RPS29: variants seen among roughly 807,000 people sequenced by gnomAD.
The protein encoded by RPS29 is small ribosomal subunit protein uS14.
For synonymous variants in RPS29, 37 were observed against 26.9 expected (o/e 1.37, Z -1.16); for missense variants, 60 against 75.7 (o/e 0.79, Z 0.77).
intron 1 of RPS29, chr14:49,597,430 C>A (rs1278215475): frequency 6.6e-6 from 1 of 152,154 alleles, no homozygotes. Context: ...CCTATAAGTT[C>A]AGAGTCCATT....
downstream of RPS29, among the ~76,000 whole-genome samples, chr14:49,582,337 G>C (rs540270302): frequency 6.6e-6 from 1 of 152,198 alleles, no homozygotes; most frequent in African/African-American, 2.4e-5. Flanking sequence ...TACAGACCCT[G>C]GCCAGCTTTC....
Position 49,598,512 on chromosome 14 carries a change from G to C in RPS29, c.-245C>G, listed in dbSNP as rs1249363530. The C allele has an allele frequency of 7.1e-6, 5 of 702,278 alleles. No homozygotes were observed. The African/African-American group carries it at 8.7e-5, about 12-fold the overall frequency. 43.5% of individuals were successfully genotyped at this position (702,278 alleles called of 1,614,324 possible). ...CGGAGAGCAGCCACCAAAACCACCA[G>C]CAGCCCGTCCGCGCCGGGAAATGCG... On this transcript the variant is annotated 5_prime_UTR_variant, in exon 1 of 4. Transcript: ENST00000556230.
At chr14:49,579,565 A>C (rs1881279070), downstream of RPS29, among the ~76,000 whole-genome samples, 1 of 152,086 alleles carries the variant, frequency 6.6e-6, no homozygotes, top group African/African-American at 2.4e-5. Context: ...CAAAGAATAG[A>C]TCCTCTATGT....
At chr14:49,585,861 G>A (rs1333988023) in intron 2 of RPS29, 89 bp downstream of exon 2, 3 of 990,526 alleles carry the variant, frequency 3.0e-6, no homozygotes, top group East Asian at 2.4e-5. Context: ...CCACTCCAGG[G>A]AAGATCTGTC....
downstream of RPS29, among the ~76,000 whole-genome samples, chr14:49,580,914 G>T (rs949682842): frequency 6.6e-6 from 1 of 151,626 alleles, no homozygotes; most frequent in African/African-American, 2.4e-5. Context: ...TGCTGGGTGC[G>T]GTGGCTCACG....
intron 2 of RPS29, chr14:49,577,963 AG>A: frequency 1.3e-6 from 1 of 749,310 alleles, no homozygotes; most frequent in Non-Finnish European, 2.3e-6. Flanking sequence ...TGTCACTATC[AG>A]GATCTAGATT....
At chr14:49,585,865 A>T in intron 2 of RPS29, 85 bp downstream of exon 2, 1 of 1,023,330 alleles carries the variant, frequency 9.8e-7, no homozygotes, top group Non-Finnish European at 1.5e-6. Flanking sequence ...TCCAGGGAAG[A>T]TCTGTCCGTT....
chr14:49,593,542 A>G (rs993327939), intron 1 of RPS29, among the ~76,000 whole-genome samples: 1 of 151,968 alleles, frequency 6.6e-6, no homozygotes, highest in Non-Finnish European at 1.5e-5. Flanking sequence ...CGTCTCTACT[A>G]AAAATGCAAA....
At chr14:49,596,374 GGTAAT>G (rs1305851027) in intron 1 of RPS29, among the ~76,000 whole-genome samples, 1 of 152,134 alleles carries the variant, frequency 6.6e-6, no homozygotes, top group African/African-American at 2.4e-5. Flanking sequence ...ACTGACTCGA[GGTAAT>G]TAAGGATAGA....
upstream of RPS29, among the ~76,000 whole-genome samples, chr14:49,588,760 C>T (rs975522875): frequency 1.3e-5 from 2 of 151,930 alleles, no homozygotes; most frequent in Non-Finnish European, 2.9e-5. Context: ...AAGTCCTGAC[C>T]TCGAGTAATC....
chr14:49,593,185 A>C (rs879500853), intron 1 of RPS29, among the ~76,000 whole-genome samples: 16 of 152,222 alleles, frequency 1.1e-4, no homozygotes, highest in Non-Finnish European at 1.8e-4. Context: ...TATTTGCTAA[A>C]TGAATAAATG....
chr14:49,580,567 T>C (rs1881305190), downstream of RPS29, among the ~76,000 whole-genome samples: 2 of 152,316 alleles, frequency 1.3e-5, no homozygotes, highest in African/African-American at 2.4e-5. Context: ...ATGTGTTCAA[T>C]CACATGTTTT....
chr14:49,586,522 C>CTA, upstream of RPS29: 1 of 633,116 alleles, frequency 1.6e-6, no homozygotes, highest in Middle Eastern at 2.5e-4. Context: ...TGGGCTGGCC[C>CTA]AGTTGATGAC....
exon 3 of RPS29, chr14:49,572,759 A>C (rs1881084791): frequency 1.3e-5 from 2 of 152,228 alleles, no homozygotes; most frequent in Non-Finnish European, 2.9e-5. Flanking sequence ...AAAACTTTAA[A>C]GAAAATTGTG....
chr14:49,590,324 A>C (rs1449473243), upstream of RPS29, among the ~76,000 whole-genome samples: 3 of 151,060 alleles, frequency 2.0e-5, no homozygotes, highest in Non-Finnish European at 4.4e-5. Flanking sequence ...AAAAATACAA[A>C]AATTAGCCAG....
chr14:49,584,595 T>C (rs1008017703), intron 2 of RPS29, among the ~76,000 whole-genome samples: 2 of 151,948 alleles, frequency 1.3e-5, no homozygotes, highest in African/African-American at 4.8e-5. Context: ...TGAAATCCCA[T>C]CTCCACAAAA....
At chr14:49,596,262 C>T (rs1246572132) in intron 1 of RPS29, among the ~76,000 whole-genome samples, 2 of 152,072 alleles carry the variant, frequency 1.3e-5, no homozygotes, top group Non-Finnish European at 2.9e-5. Context: ...AGAAGAAAAA[C>T]AAATCTAAAT....
rs1594573942 is a variant in RPS29, at chr14:49,586,184, G to A, written c.62+101C>T. 5 of 1,414,976 alleles carry A rather than the reference G, an allele frequency of 3.5e-6. No homozygotes were observed. The Admixed American group carries it at 5.0e-5, about 14-fold the overall frequency. The allele number at this position is 1,414,976 out of a possible 1,614,324, so 87.7% of individuals were successfully genotyped here. Reference sequence around the variant, plus strand: ...ATGGCGGCACCAGCGACTCCCAGTCGGCGTGCTCCCTCGTGCCGCCCGTGG... The same window carrying A: ...ATGGCGGCACCAGCGACTCCCAGTCAGCGTGCTCCCTCGTGCCGCCCGTGG... On this transcript the variant is annotated intron_variant, in intron 1 of 2. Coordinates refer to ENST00000245458, the MANE Select transcript of RPS29 (RefSeq NM_001032.5).
chr14:49,582,320 G>A (rs12100769), downstream of RPS29, among the ~76,000 whole-genome samples: 13 of 152,090 alleles, frequency 8.5e-5, no homozygotes, highest in African/African-American at 2.9e-4. Flanking sequence ...ATAACCTACA[G>A]GGCTACTACA....
Sources: gnomAD v4.1 joint callset for allele counts (sites outside exome capture counted in the v4.1 genomes callset) on GRCh38, gnomAD v4.1.1 for gene constraint, MANE v1.5 for transcripts, NCBI Gene and HGNC (gene_info 2026-07-23, HGNC 2026-07-21) for gene names.